The following NCAM1 variants were observed in gnomAD, a reference collection of about 807,000 sequenced individuals.
NCAM1 encodes the protein antigen recognized by monoclonal antibody 5.1H11.
Under a neutral mutation model 109.8 loss-of-function variants are expected in NCAM1, and 14 were observed. The observed-to-expected ratio is 0.13, with a 90% CI of 0.08 to 0.20. NCAM1 has a LOEUF of 0.20. NCAM1 is among the 10% of genes least tolerant of loss of function. NCAM1 has a pLI of 1.00. For missense variants in NCAM1, 774 were observed against 1,109.9 expected (o/e 0.70, Z 4.30); for synonymous variants, 418 against 442.9 (o/e 0.94, Z 0.70).
intron 1 of NCAM1, among the ~76,000 whole-genome samples, chr11:113,141,403 G>A (rs782310561): frequency 6.6e-6 from 1 of 152,142 alleles, no homozygotes; most frequent in Non-Finnish European, 1.5e-5. Context: ...AGGCCGAGGT[G>A]GGCAGATCAT....
intron 1 of NCAM1, among the ~76,000 whole-genome samples, chr11:112,987,002 C>T (rs781823239): frequency 3.3e-5 from 5 of 151,694 alleles, no homozygotes; most frequent in Non-Finnish European, 5.9e-5. Context: ...TACTTCAAAC[C>T]ATTATTCTTT....
intron 1 of NCAM1, among the ~76,000 whole-genome samples, chr11:113,014,148 A>G (rs983480175): frequency 1.4e-4 from 22 of 152,208 alleles, no homozygotes; most frequent in African/African-American, 5.1e-4. Flanking sequence ...GGCTTGGGGA[A>G]CACATTTAAA....
chr11:112,980,676 T>C (rs1001173914), intron 1 of NCAM1, among the ~76,000 whole-genome samples: 1 of 151,796 alleles, frequency 6.6e-6, no homozygotes, highest in African/African-American at 2.4e-5. Context: ...ATAAGTTCTT[T>C]AGTGGTGATT....
At chr11:113,040,733 A>G (rs1953048057) in intron 1 of NCAM1, among the ~76,000 whole-genome samples, 1 of 152,190 alleles carries the variant, frequency 6.6e-6, no homozygotes, top group South Asian at 2.1e-4. Context: ...TCTCTTATAA[A>G]GTGATGGGTG....
chr11:113,272,015 A>G (rs956375433), intron 19 of NCAM1, 139 bp downstream of exon 19: 2 of 587,208 alleles, frequency 3.4e-6, no homozygotes, highest in Admixed American at 3.3e-5. Context: ...CCTTGGCCAC[A>G]AGACCTGCTT....
chr11:112,991,960 G>A (rs185914386), intron 1 of NCAM1, among the ~76,000 whole-genome samples: 1 of 152,174 alleles, frequency 6.6e-6, no homozygotes, highest in Admixed American at 6.5e-5. Flanking sequence ...AGTCTTTAAG[G>A]CATTAAATAT....
At chr11:113,213,551 T>G (rs1944447414) in intron 7 of NCAM1, among the ~76,000 whole-genome samples, 1 of 152,128 alleles carries the variant, frequency 6.6e-6, no homozygotes, top group South Asian at 2.1e-4. Flanking sequence ...CTAACACCCT[T>G]CTCCCAGTCG....
chr11:113,235,385 C>A, intron 14 of NCAM1: 2 of 974,302 alleles, frequency 2.1e-6, no homozygotes, highest in Non-Finnish European at 3.2e-6. Context: ...GGACACTGTC[C>A]TAGTAGCCGG....
At chr11:113,138,165 A>G (rs1440960552) in intron 1 of NCAM1, among the ~76,000 whole-genome samples, 1 of 152,230 alleles carries the variant, frequency 6.6e-6, no homozygotes, top group Non-Finnish European at 1.5e-5. Context: ...CAGAAAGAAT[A>G]TAAAATCGAC....
intron 14 of NCAM1, among the ~76,000 whole-genome samples, chr11:113,236,020 T>C (rs1280358344): frequency 1.3e-5 from 2 of 152,194 alleles, no homozygotes; most frequent in Non-Finnish European, 2.9e-5. Context: ...CCCCTGGATT[T>C]AAAATGCACC....
intron 1 of NCAM1, among the ~76,000 whole-genome samples, chr11:113,094,814 ACT>A (rs1473944849): frequency 6.6e-6 from 1 of 152,090 alleles, no homozygotes; most frequent in Non-Finnish European, 1.5e-5. Flanking sequence ...CTGTCAAACA[ACT>A]CTGTTAGCTG....
intron 17 of NCAM1, 158 bp downstream of exon 17, chr11:113,260,481 G>A: frequency 5.4e-6 from 4 of 738,024 alleles, no homozygotes; most frequent in Non-Finnish European, 8.5e-6. Flanking sequence ...GTACCTATCT[G>A]TGCAGTGGGG....
chr11:113,271,799 G>A lies in NCAM1; in HGVS notation c.2379G>A (p.Thr793=), dbSNP rs782585474. 58 of 1,567,888 alleles carry A rather than the reference G, an allele frequency of 3.7e-5. No individual in the cohort carries two copies. Among genetic ancestry groups the A allele is most frequent in the African/African-American group, 1.9e-4 (14 of 73,696 alleles). Residue 793 remains threonine, a synonymous_variant, in exon 19 of 20, where the codon ACG becomes ACA. Transcript: ENST00000316851. ...AGGAGCCCATCGTGGAGGTTCGAAC[G>A]GAGGAGGAGAGGACCCCAAACCATG... is the stretch of plus-strand genomic sequence containing the variant. ...ESKEPIVEVR[T]EEERTPNHDG...
rs1417453589 is a variant in NCAM1 at position 113,101,256 on chromosome 11, T to C, written c.53-101123T>C. 3.9e-5 allele frequency among the ~76,000 whole-genome samples: 6 copies of C among 152,180 alleles called. No homozygotes were observed. In the East Asian group the frequency reaches 1.2e-3, roughly 29 times the overall value. On this transcript the variant is annotated intron_variant, in intron 1 of 19. Transcript: ENST00000316851. ...CCTAGAGTTCCTATGGCCTCCACTA[T>C]TGTGGCAGTGCCAGGAAATTTTAAT...
At chr11:113,034,273 G>A (rs1027556397) in intron 1 of NCAM1, among the ~76,000 whole-genome samples, 3 of 147,896 alleles carry the variant, frequency 2.0e-5, no homozygotes, top group Non-Finnish European at 4.5e-5. Flanking sequence ...GAGGACAATA[G>A]ACTTTTTTTT....
intron 1 of NCAM1, among the ~76,000 whole-genome samples, chr11:113,093,072 C>A (rs914106095): frequency 3.9e-5 from 6 of 152,118 alleles, no homozygotes; most frequent in African/African-American, 1.4e-4. Context: ...CAGCGAGTGA[C>A]AATATAAATG....
intron 1 of NCAM1, among the ~76,000 whole-genome samples, chr11:113,070,875 C>A (rs1212536265): frequency 6.6e-6 from 1 of 152,092 alleles, no homozygotes; most frequent in Non-Finnish European, 1.5e-5. Context: ...CTGGATGCCT[C>A]CCTCACAGAA....
rs1555126330 is a variant in NCAM1 at position 113,275,277 on chromosome 11, G to C, written c.2467G>C (p.Val823Leu). 3.1e-6 allele frequency: 5 copies of C among 1,613,598 alleles called. No individual in the cohort carries two copies. In the South Asian group the frequency reaches 4.4e-5, roughly 14 times the overall value. Residue 823 changes from valine (V) to leucine (L), a missense_variant, in exon 20 of 20, where the codon GTA (valine) becomes CTA (leucine). Physicochemically the swap from Val to Leu is conservative, Grantham distance 32. This residue lies in a region of NCAM1 where 122 missense variants were observed against 129.7 expected (regional missense o/e 0.94). Coordinates refer to ENST00000316851, the MANE Select transcript of NCAM1 (RefSeq NM_181351.5). Reference protein sequence around the residue: ...TPLTEPEKGPVEAKPECQETE... With the variant: ...TPLTEPEKGPLEAKPECQETE... ...CCTGATTCTCTGCAGGAAGGGCCCC[G>C]TAGAAGCAAAGCCAGAGTGCCAGGA...
intron 14 of NCAM1, among the ~76,000 whole-genome samples, chr11:113,236,101 C>A (rs534786341): frequency 9.5e-4 from 145 of 152,342 alleles, no homozygotes; most frequent in Middle Eastern, 3.4e-3. Context: ...CTTACCTCTT[C>A]CCAGAAATAG....
Sources: allele counts gnomAD v4.1 joint callset (sites outside exome capture counted in the v4.1 genomes callset), GRCh38; gene constraint gnomAD v4.1.1; regional missense constraint gnomAD v4.1.1; transcripts MANE v1.5; gene names NCBI Gene and HGNC (gene_info 2026-07-23, HGNC 2026-07-21).